The following CDH18 variants were observed in gnomAD, a reference collection of about 807,000 sequenced individuals.
CDH18 encodes the protein cadherin-18.
In CDH18, 31 loss-of-function variants were observed where a neutral mutation model predicts 67.9. The observed-to-expected ratio is 0.46, with a 90% CI of 0.34 to 0.62. The LOEUF (loss-of-function observed/expected upper bound fraction) is 0.62, where lower values mean the gene tolerates loss of function less well. Ranked by LOEUF, CDH18 falls within the 20% of genes least tolerant of loss-of-function variation. The pLI is 0.01. For missense variants in CDH18, 890 were observed against 975.5 expected, an observed-to-expected ratio of 0.91 and a Z score of 1.17; for synonymous variants, 362 against 347.2, an observed-to-expected ratio of 1.04 and a Z score of -0.48.
intron 5 of CDH18, among the ~76,000 whole-genome samples, chr5:19,649,525 A>C (rs899145077): frequency 1.6e-4 from 24 of 151,970 alleles, no homozygotes; most frequent in African/African-American, 5.1e-4. Context: ...TAACCAATTG[A>C]CTTATGTCTT....
intron 2 of CDH18, among the ~76,000 whole-genome samples, chr5:19,906,894 G>A (rs1200137532): frequency 6.6e-6 from 1 of 151,884 alleles, no homozygotes; most frequent in Non-Finnish European, 1.5e-5. Flanking sequence ...CTAAGCTGTT[G>A]TATATATCAG....
intron 11 of CDH18, among the ~76,000 whole-genome samples, chr5:19,501,054 A>T (rs1464109869): frequency 6.6e-6 from 1 of 151,740 alleles, no homozygotes; most frequent in East Asian, 1.9e-4. Context: ...AATCGCTTGG[A>T]CCCAGGAGCT....
At chr5:20,189,736 A>C (rs1738392028) in intron 2 of CDH18, among the ~76,000 whole-genome samples, 1 of 152,094 alleles carries the variant, frequency 6.6e-6, no homozygotes, top group Non-Finnish European at 1.5e-5. Context: ...CTTCACTCAA[A>C]CCAACCATGT....
At chr5:20,190,872 G>T (rs903833451) in intron 2 of CDH18, among the ~76,000 whole-genome samples, 5 of 151,798 alleles carry the variant, frequency 3.3e-5, no homozygotes, top group Non-Finnish European at 7.4e-5. Flanking sequence ...CCTATTTTTG[G>T]CATGCATGTA....
At chr5:19,552,126 T>G (rs776140641) in intron 8 of CDH18, among the ~76,000 whole-genome samples, 3 of 152,136 alleles carry the variant, frequency 2.0e-5, no homozygotes, top group Admixed American at 6.6e-5. Flanking sequence ...TGTTTTCATA[T>G]CTAGATAAGA....
intron 5 of CDH18, among the ~76,000 whole-genome samples, chr5:19,667,410 C>A (rs1008094286): frequency 3.3e-5 from 5 of 149,740 alleles, no homozygotes; most frequent in Non-Finnish European, 7.4e-5. Context: ...TTGTTTTCTC[C>A]TTAAAACTAT....
intron 3 of CDH18, among the ~76,000 whole-genome samples, chr5:19,777,211 C>T (rs1313672552): frequency 6.6e-6 from 1 of 152,090 alleles, no homozygotes. Context: ...ACCTGGGAGG[C>T]AGAGGTTGCA....
At chr5:20,555,428 TTTTTTTTTTTTTTTTTTTTTTTC>T (rs1757851008) in intron 1 of CDH18, among the ~76,000 whole-genome samples, 14 of 20,198 alleles carry the variant, frequency 6.9e-4, no homozygotes, top group East Asian at 7.6e-3. Flanking sequence ...TTTTTTTTTT[TTTTTTTTTTTTTTTTTTTTTTTC>T]TTTTTTCTTT....
At chr5:20,485,331 G>A (rs181623216) in intron 1 of CDH18, among the ~76,000 whole-genome samples, 69 of 152,254 alleles carry the variant, frequency 4.5e-4, no homozygotes, top group African/African-American at 1.6e-3. Flanking sequence ...TGTGTGTAAT[G>A]TTTATTGGTC....
intron 2 of CDH18, among the ~76,000 whole-genome samples, chr5:20,067,388 G>A (rs1038650865): frequency 5.3e-5 from 8 of 150,384 alleles, no homozygotes; most frequent in East Asian, 1.9e-4. Context: ...TGCTGTATGC[G>A]CTCATGTGTT....
chr5:20,014,160 T>C (rs1737689253), intron 2 of CDH18, among the ~76,000 whole-genome samples: 1 of 152,138 alleles, frequency 6.6e-6, no homozygotes, highest in African/African-American at 2.4e-5. Flanking sequence ...TGCAGTCCAA[T>C]AGTAAATATT....
intron 2 of CDH18, among the ~76,000 whole-genome samples, chr5:20,208,736 T>C (rs1740113530): frequency 6.6e-6 from 1 of 151,958 alleles, no homozygotes; most frequent in African/African-American, 2.4e-5. Flanking sequence ...TACATCATGG[T>C]AAAATGCTTC....
chr5:20,143,882 A>T (rs548458005), intron 2 of CDH18, among the ~76,000 whole-genome samples: 7 of 152,174 alleles, frequency 4.6e-5, no homozygotes, highest in Non-Finnish European at 8.8e-5. Context: ...AAAGTGATTT[A>T]GGTGTATAAT....
intron 2 of CDH18, among the ~76,000 whole-genome samples, chr5:20,121,273 C>T (rs768969374): frequency 6.6e-6 from 1 of 152,136 alleles, no homozygotes. Flanking sequence ...TTGTAAGTTA[C>T]TTTGAAATCC....
chr5:20,478,862 A>G (rs1435065795), intron 1 of CDH18, among the ~76,000 whole-genome samples: 4 of 151,998 alleles, frequency 2.6e-5, no homozygotes, highest in African/African-American at 9.7e-5. Flanking sequence ...TGGCCACAGA[A>G]GTGCTGGTGT....
intron 2 of CDH18, among the ~76,000 whole-genome samples, chr5:20,166,575 C>A (rs191017568): frequency 6.6e-6 from 1 of 152,092 alleles, no homozygotes; most frequent in African/African-American, 2.4e-5. Context: ...AGAGTCACCT[C>A]GAAAGCATGA....
chr5:20,303,964 A>G, intron 1 of CDH18: 5 of 786,184 alleles, frequency 6.4e-6, no homozygotes. Context: ...TAGAATGTCA[A>G]AGAAGAGAAG....
intron 2 of CDH18, among the ~76,000 whole-genome samples, chr5:19,884,483 A>G: frequency 6.6e-6 from 1 of 152,054 alleles, no homozygotes; most frequent in East Asian, 1.9e-4. Context: ...CTTACTGAAA[A>G]GAGTTCCTAT....
intron 1 of CDH18, among the ~76,000 whole-genome samples, chr5:20,283,215 A>G (rs1029353014): frequency 6.6e-6 from 1 of 152,244 alleles, no homozygotes; most frequent in Admixed American, 6.5e-5. Flanking sequence ...ATTGAGTAAC[A>G]CTTCACAAGC....
Sources: allele counts gnomAD v4.1 joint callset (sites outside exome capture counted in the v4.1 genomes callset), GRCh38; gene constraint gnomAD v4.1.1; transcripts MANE v1.5; gene names NCBI Gene and HGNC (gene_info 2026-07-23, HGNC 2026-07-21).